FBN1: variants seen among roughly 807,000 people sequenced by gnomAD.
FBN1 encodes the protein fibrillin 1.
A neutral mutation model predicts 365.1 loss-of-function variants in FBN1; 29 were observed. The observed-to-expected ratio is 0.08, with a 90% CI of 0.06 to 0.11. The LOEUF is 0.11. FBN1 is among the 10% of genes least tolerant of loss of function. The probability of loss-of-function intolerance (pLI) is 1.00; values close to 1 mark genes in which losing one functional copy is unlikely to be tolerated. For missense variants in FBN1, 2,476 were observed against 3,703.2 expected (o/e 0.67, Z 8.60); for synonymous variants, 1,210 against 1,270.5 (o/e 0.95, Z 1.01).
At position 48,410,887 on chromosome 15, in the gene FBN1, T is replaced by G. The variant is rs942224869; in HGVS notation, c.*103A>C. The G allele has an allele frequency of 4.4e-6, 5 of 1,148,416 alleles. No individual in the cohort carries two copies. In the Admixed American group the frequency reaches 1.1e-4, roughly 26 times the overall value. 71.1% of individuals were successfully genotyped at this position (1,148,416 alleles called of 1,614,324 possible). A position where few individuals can be genotyped will look rare whatever the true frequency, so the allele number is the denominator to read the frequency against. ...TGCTTATTTATACAAATTTACTTGG[T>G]GAAAGATTGTACCTATGATATGATG... is the stretch of plus-strand genomic sequence containing the variant. On this transcript the variant is annotated 3_prime_UTR_variant, in exon 66 of 66. Coordinates refer to ENST00000316623, the MANE Select transcript of FBN1 (RefSeq NM_000138.5).
At position 48,492,507 on chromosome 15, in the gene FBN1, C is replaced by A; in HGVS notation, c.2808G>T (p.Gln936His). The stretch of plus-strand genomic sequence containing the variant: ...CATCCAAAGTCATTCCACTGGGACA[C>A]TGACACTTGAATGACCCCCTAGTGT... Reference protein sequence around the residue: ...CVNTRGSFKCQCPSGMTLDAT... With the variant: ...CVNTRGSFKCHCPSGMTLDAT... The change falls in exon 24 of 66, where the codon CAG (glutamine) becomes CAT (histidine). Residue 936 changes from glutamine (Q) to histidine (H), a missense_variant. Around this residue, in one of 5 missense-constraint regions of FBN1, gnomAD observed 1,780 missense variants for 2,840.8 expected, o/e 0.63. Coordinates refer to ENST00000316623, the MANE Select transcript of FBN1 (RefSeq NM_000138.5). The A allele has an allele frequency of 1.2e-6, 2 of 1,613,328 alleles. No homozygotes were observed. The highest frequency in any genetic ancestry group is 2.2e-5 in the East Asian group (1 of 44,862).
At chr15:48,644,383 G>T in intron 2 of FBN1, 1 of 655,224 alleles carries the variant, frequency 1.5e-6, no homozygotes, top group Admixed American at 2.5e-5. Flanking sequence ...AATGGCCCAA[G>T]ATTCCATTTA....
intron 2 of FBN1, chr15:48,641,985 T>C (rs752736679): frequency 6.6e-6 from 1 of 152,216 alleles, no homozygotes; most frequent in Non-Finnish European, 1.5e-5. Flanking sequence ...AACACGTGTA[T>C]GTAAACACAG....
intron 6 of FBN1, among the ~76,000 whole-genome samples, chr15:48,583,639 A>T: frequency 6.6e-6 from 1 of 152,336 alleles, no homozygotes; most frequent in East Asian, 1.9e-4. Context: ...TGAATAGACA[A>T]GTTCATTTTC....
At chr15:48,580,085 T>A (rs2044379732) in intron 6 of FBN1, among the ~76,000 whole-genome samples, 1 of 152,174 alleles carries the variant, frequency 6.6e-6, no homozygotes, top group African/African-American at 2.4e-5. Context: ...TATTTCTCAA[T>A]CCAGCCTCTT....
Position 48,465,867 on chromosome 15 carries a change from A to T in FBN1, c.4748-9T>A, listed in dbSNP as rs760640909. Reference sequence around the variant, plus strand: ...AAGAATTTTGTACTCGGCTATTGAAACAAAAATTCAAATTGAGTTGTTTTG... The same window carrying T: ...AAGAATTTTGTACTCGGCTATTGAATCAAAAATTCAAATTGAGTTGTTTTG... On this transcript the variant is annotated splice_polypyrimidine_tract_variant and intron_variant, in intron 38 of 65. Coordinates refer to ENST00000316623, the MANE Select transcript of FBN1 (RefSeq NM_000138.5). The T allele has an allele frequency of 6.2e-7, 1 of 1,604,148 alleles. No homozygotes were observed. Among genetic ancestry groups the T allele is most frequent in the East Asian group, 2.2e-5 (1 of 44,804 alleles).
chr15:48,451,584 G>A (rs1446873755), intron 45 of FBN1, among the ~76,000 whole-genome samples: 1 of 152,118 alleles, frequency 6.6e-6, no homozygotes. Context: ...GGTAGGCAAG[G>A]AAATCCAAGG....
At chr15:48,603,108 C>A (rs780637791) in intron 4 of FBN1, among the ~76,000 whole-genome samples, 3 of 152,094 alleles carry the variant, frequency 2.0e-5, no homozygotes, top group Non-Finnish European at 2.9e-5. Flanking sequence ...TTCTTTCTGG[C>A]AAGAATGGTA....
chr15:48,628,728 A>G (rs1365254184), intron 2 of FBN1, among the ~76,000 whole-genome samples: 1 of 152,238 alleles, frequency 6.6e-6, no homozygotes, highest in Non-Finnish European at 1.5e-5. Context: ...CAAAACTAGG[A>G]GTAAAACTTT....
intron 55 of FBN1, among the ~76,000 whole-genome samples, chr15:48,432,109 T>C (rs565995941): frequency 1.3e-5 from 2 of 152,352 alleles, no homozygotes; most frequent in South Asian, 4.1e-4. Flanking sequence ...CAGTCTTTAC[T>C]TTCTGTCCTA....
chr15:48,614,216 T>C (rs1050561097), intron 2 of FBN1, among the ~76,000 whole-genome samples: 12 of 152,250 alleles, frequency 7.9e-5, no homozygotes, highest in Non-Finnish European at 8.8e-5. Context: ...TGCTAGCTGC[T>C]AGCGATCAGG....
chr15:48,626,097 A>C (rs1310461470), intron 2 of FBN1, among the ~76,000 whole-genome samples: 1 of 152,078 alleles, frequency 6.6e-6, no homozygotes, highest in Non-Finnish European at 1.5e-5. Context: ...ATCTTCAAAA[A>C]AATTTTTAAA....
intron 6 of FBN1, among the ~76,000 whole-genome samples, chr15:48,565,023 G>C (rs1472610391): frequency 1.3e-5 from 2 of 152,148 alleles, no homozygotes; most frequent in East Asian, 3.9e-4. Flanking sequence ...TTAAATTCCA[G>C]GCGAGAAGCA....
intron 63 of FBN1, among the ~76,000 whole-genome samples, 158 bp from the exon 64 acceptor site, chr15:48,415,925 G>A (rs1192786570): frequency 6.6e-6 from 1 of 152,206 alleles, no homozygotes; most frequent in Non-Finnish European, 1.5e-5. Flanking sequence ...CAACAGCAGA[G>A]AAAGATGCGG....
chr15:48,645,383 C>A (rs1890287597), intron 1 of FBN1, among the ~76,000 whole-genome samples, 192 bp downstream of exon 1: 1 of 152,214 alleles, frequency 6.6e-6, no homozygotes, highest in African/African-American at 2.4e-5. Context: ...ACGCGGAGCC[C>A]GGCACCAAGA....
At position 48,468,021 on chromosome 15, in the gene FBN1, A is replaced by G; in HGVS notation, c.4664T>C (p.Val1555Ala). ...GCAGCAGGAAGCTTTGGAAACACCAACTCCAATTTCATTGCTGCAGGCTGT... is the reference window on the plus strand; with the variant it reads ...GCAGCAGGAAGCTTTGGAAACACCAGCTCCAATTTCATTGCTGCAGGCTGT... Reference protein sequence around the residue: ...GDTACSNEIGVGVSKASCCCS... With the variant: ...GDTACSNEIGAGVSKASCCCS... The change falls in exon 38 of 66, where the codon GTT becomes GCT. Residue 1555 changes from valine (V) to alanine (A), a missense_variant. Physicochemically the swap from Val to Ala is moderately conservative, Grantham distance 64. Around this residue, in one of 5 missense-constraint regions of FBN1, gnomAD observed 1,780 missense variants for 2,840.8 expected, o/e 0.63. Transcript: ENST00000316623. 1.2e-6 allele frequency: 2 copies of G among 1,613,924 alleles called. No individual in the cohort carries two copies. The highest frequency in any genetic ancestry group is 1.1e-5 in the South Asian group (1 of 91,050).
chr15:48,493,964 G>A (rs1463605774), intron 23 of FBN1, among the ~76,000 whole-genome samples: 2 of 152,152 alleles, frequency 1.3e-5, no homozygotes, highest in Non-Finnish European at 2.9e-5. Context: ...TCTAAACTGC[G>A]ATCAACCTAA....
intron 9 of FBN1, among the ~76,000 whole-genome samples, chr15:48,523,788 C>T (rs2043882903): frequency 6.6e-6 from 1 of 151,064 alleles, no homozygotes; most frequent in South Asian, 2.1e-4. Context: ...AACTTGAAGA[C>T]CTTCAGGACT....
chr15:48,613,549 C>T (rs2044673272), intron 2 of FBN1, among the ~76,000 whole-genome samples: 1 of 152,076 alleles, frequency 6.6e-6, no homozygotes, highest in Admixed American at 6.6e-5. Context: ...CATATTCTCC[C>T]TTTCACTAAA....
Sources: gnomAD v4.1 joint callset for allele counts (sites outside exome capture counted in the v4.1 genomes callset) on GRCh38, gnomAD v4.1.1 for gene constraint, gnomAD v4.1.1 regional missense constraint, MANE v1.5 for transcripts, NCBI Gene and HGNC (gene_info 2026-07-23, HGNC 2026-07-21) for gene names.